Variants in CAMKMT observed in about 807,000 individuals in gnomAD.
The protein encoded by CAMKMT is calmodulin-lysine N-methyltransferase, also known as CaM KMT.
In CAMKMT, 53 loss-of-function variants were observed where a neutral mutation model predicts 48.0. The observed-to-expected ratio is 1.10, with a 90% CI of 0.89 to 1.39. CAMKMT has a LOEUF of 1.39. CAMKMT is among the 40% of genes most tolerant of loss of function. The pLI, the probability that CAMKMT is intolerant of heterozygous loss-of-function variation, is 0.00. For synonymous variants in CAMKMT, 165 were observed against 152.3 expected, an observed-to-expected ratio of 1.08 and a Z score of -0.61; for missense variants, 428 against 402.7, an observed-to-expected ratio of 1.06 and a Z score of -0.54.
intron 3 of CAMKMT, among the ~76,000 whole-genome samples, chr2:44,569,636 A>G (rs1668801472): frequency 6.6e-6 from 1 of 152,108 alleles, no homozygotes; most frequent in African/African-American, 2.4e-5. Flanking sequence ...TGGAGGTAGT[A>G]GCTGGCATGA....
At chr2:44,551,955 T>C (rs1173686501) in intron 3 of CAMKMT, among the ~76,000 whole-genome samples, 1 of 152,204 alleles carries the variant, frequency 6.6e-6, no homozygotes, top group Non-Finnish European at 1.5e-5. Flanking sequence ...GGGCGAAGTG[T>C]AATATGGGTT....
At chr2:44,503,897 T>G (rs1670125527) in intron 3 of CAMKMT, among the ~76,000 whole-genome samples, 1 of 151,936 alleles carries the variant, frequency 6.6e-6, no homozygotes, top group South Asian at 2.1e-4. Context: ...TGTCTTATCC[T>G]TATGTTCTTA....
chr2:44,375,586 T>A (rs758607924), intron 2 of CAMKMT, among the ~76,000 whole-genome samples: 1 of 152,062 alleles, frequency 6.6e-6, no homozygotes, highest in Non-Finnish European at 1.5e-5. Context: ...AAATGATTTT[T>A]AAAAAAACTG....
At chr2:44,608,045 C>A (rs936172956) in intron 3 of CAMKMT, among the ~76,000 whole-genome samples, 1 of 149,704 alleles carries the variant, frequency 6.7e-6, no homozygotes, top group South Asian at 2.1e-4. Flanking sequence ...AACTGTATAC[C>A]AATAGATATT....
chr2:44,669,658 G>T (rs1675217384), intron 3 of CAMKMT, among the ~76,000 whole-genome samples: 1 of 151,252 alleles, frequency 6.6e-6, no homozygotes, highest in Non-Finnish European at 1.5e-5. Flanking sequence ...TTTTTCTTCA[G>T]ACAGGGTCTC....
At chr2:44,505,180 T>A (rs1182862345) in intron 3 of CAMKMT, among the ~76,000 whole-genome samples, 1 of 151,998 alleles carries the variant, frequency 6.6e-6, no homozygotes, top group Non-Finnish European at 1.5e-5. Flanking sequence ...GATTTCAACA[T>A]GAGATTTGGA....
At chr2:44,603,980 G>A (rs189644668) in intron 3 of CAMKMT, among the ~76,000 whole-genome samples, 2 of 152,322 alleles carry the variant, frequency 1.3e-5, no homozygotes, top group Admixed American at 1.3e-4. Flanking sequence ...ACCTGGTACA[G>A]TTGTCAAATT....
At chr2:44,485,391 A>C (rs1669165195) in intron 3 of CAMKMT, among the ~76,000 whole-genome samples, 1 of 152,220 alleles carries the variant, frequency 6.6e-6, no homozygotes, top group African/African-American at 2.4e-5. Context: ...TTCCACACAC[A>C]ATATGCTGTA....
intron 3 of CAMKMT, among the ~76,000 whole-genome samples, chr2:44,425,212 G>T (rs1167476304): frequency 6.6e-6 from 1 of 152,078 alleles, no homozygotes; most frequent in African/African-American, 2.4e-5. Flanking sequence ...AATAGTTAAT[G>T]GCTGGGTTTT....
At chr2:44,406,876 G>A (rs754660606) in intron 3 of CAMKMT, among the ~76,000 whole-genome samples, 4 of 152,230 alleles carry the variant, frequency 2.6e-5, no homozygotes, top group Non-Finnish European at 5.9e-5. Flanking sequence ...CCAAAGTGCT[G>A]GGATTACAGG....
intron 3 of CAMKMT, among the ~76,000 whole-genome samples, chr2:44,635,831 G>A (rs1572966740): frequency 6.6e-6 from 1 of 152,194 alleles, no homozygotes; most frequent in African/African-American, 2.4e-5. Flanking sequence ...GACTAACGAA[G>A]TGACTTAAAA....
intron 3 of CAMKMT, among the ~76,000 whole-genome samples, chr2:44,428,628 C>A (rs1379038569): frequency 6.6e-6 from 1 of 152,210 alleles, no homozygotes; most frequent in Non-Finnish European, 1.5e-5. Flanking sequence ...TTTTAGTTAA[C>A]ATAGTCCAAG....
At chr2:44,516,806 A>G (rs1670854893) in intron 3 of CAMKMT, among the ~76,000 whole-genome samples, 1 of 150,614 alleles carries the variant, frequency 6.6e-6, no homozygotes, top group South Asian at 2.1e-4. Flanking sequence ...CAATGGCACA[A>G]TCTCAGCTCA....
intron 3 of CAMKMT, among the ~76,000 whole-genome samples, chr2:44,506,532 G>C (rs968285762): frequency 4.6e-5 from 7 of 152,006 alleles, no homozygotes; most frequent in Non-Finnish European, 1.0e-4. Context: ...TTTATTCTTT[G>C]TTTATATTTT....
At chr2:44,569,591 A>G (rs1201417870) in intron 3 of CAMKMT, among the ~76,000 whole-genome samples, 1 of 151,898 alleles carries the variant, frequency 6.6e-6, no homozygotes, top group African/African-American at 2.4e-5. Context: ...CTTTCATTGC[A>G]TCTCTTCTCT....
chr2:44,546,053 A>G (rs1010667123), intron 3 of CAMKMT, among the ~76,000 whole-genome samples: 1 of 152,082 alleles, frequency 6.6e-6, no homozygotes, highest in Admixed American at 6.6e-5. Flanking sequence ...AAGAGGTAAG[A>G]TTAGCAAATT....
intron 3 of CAMKMT, among the ~76,000 whole-genome samples, chr2:44,494,432 C>G (rs199974214): frequency 6.6e-6 from 1 of 152,106 alleles, no homozygotes; most frequent in East Asian, 1.9e-4. Context: ...CCTCTGTTTA[C>G]GTACAAAAAT....
intron 8 of CAMKMT, among the ~76,000 whole-genome samples, chr2:44,746,835 G>C (rs1222801335): frequency 6.6e-6 from 1 of 152,184 alleles, no homozygotes; most frequent in Admixed American, 6.5e-5. Context: ...TGCTGAGTTA[G>C]AATAGTGAGT....
At chr2:44,388,072 C>T (rs1385233967) in intron 2 of CAMKMT, among the ~76,000 whole-genome samples, 7 of 152,176 alleles carry the variant, frequency 4.6e-5, no homozygotes, top group Admixed American at 3.3e-4. Flanking sequence ...AGGTCTCTAG[C>T]AAGGCCGGGA....
Sources: gnomAD v4.1 joint callset for allele counts (sites outside exome capture counted in the v4.1 genomes callset) on GRCh38, gnomAD v4.1.1 for gene constraint, MANE v1.5 for transcripts, NCBI Gene and HGNC (gene_info 2026-07-23, HGNC 2026-07-21) for gene names.